INPP5D: variants seen among roughly 807,000 people sequenced by gnomAD.
INPP5D encodes phosphatidylinositol 3,4,5-trisphosphate 5-phosphatase 1.
In INPP5D, 33 loss-of-function variants were observed where a neutral mutation model predicts 122.9. That is an observed-to-expected ratio of 0.27 (90% CI 0.20 to 0.36). The LOEUF (loss-of-function observed/expected upper bound fraction) is 0.36, where lower values mean the gene tolerates loss of function less well. INPP5D is among the 10% of genes least tolerant of loss of function. The pLI, the probability that INPP5D is intolerant of heterozygous loss-of-function variation, is 1.00. For synonymous variants in INPP5D, 584 were observed against 576.2 expected (o/e 1.01, Z -0.19); for missense variants, 1,053 against 1,412.7 (o/e 0.75, Z 4.08).
chr2:233,147,572 C>T lies in INPP5D; in HGVS notation c.1008C>T (p.Asp336=), dbSNP rs1559318528. ...AGAAGTCCAAGGATGGTTCTGAGGA[C>T]AAGTTCTACAGCCACAAGAAAAGTA... is the stretch of plus-strand genomic sequence containing the variant. ...IIKKSKDGSE[D]KFYSHKKILQ... Residue 336 remains aspartate (D), a synonymous_variant, in exon 9 of 27, where the codon GAC becomes GAT. Transcript: ENST00000445964. 1.4e-6 allele frequency: 1 copy of T among 704,296 alleles called. No individual in the cohort carries two copies. Among genetic ancestry groups the T allele is most frequent in the Non-Finnish European group, 2.6e-6 (1 of 385,010 alleles). 43.6% of individuals were successfully genotyped at this position (704,296 alleles called of 1,614,324 possible). A position where few individuals can be genotyped will look rare whatever the true frequency, so the allele number is the denominator to read the frequency against.
At chr2:233,132,321 C>T (rs1693350822) in intron 5 of INPP5D, among the ~76,000 whole-genome samples, 3 of 152,244 alleles carry the variant, frequency 2.0e-5, no homozygotes, top group Admixed American at 2.0e-4. Flanking sequence ...CACTTCTGCA[C>T]ATTGTTAGAT....
chr2:233,121,097 ATTTC>A (rs139862941), intron 2 of INPP5D, among the ~76,000 whole-genome samples: 44,301 of 133,624 alleles, frequency 0.33, 7,585 homozygotes, highest in Non-Finnish European at 0.44. Flanking sequence ...ATTACAGGTG[ATTTC>A]TTTCTTTCTT....
At chr2:233,107,500 A>G (rs1309682132) in intron 2 of INPP5D, among the ~76,000 whole-genome samples, 2 of 152,172 alleles carry the variant, frequency 1.3e-5, no homozygotes, top group Non-Finnish European at 2.9e-5. Context: ...ACTCAGAGAA[A>G]GGGGTGATTT....
At chr2:233,085,203 T>C (rs1488086097) in intron 2 of INPP5D, among the ~76,000 whole-genome samples, 2 of 151,990 alleles carry the variant, frequency 1.3e-5, no homozygotes, top group Non-Finnish European at 2.9e-5. Context: ...CTGGGCAACA[T>C]GGTGAAACCC....
chr2:233,115,501 G>A (rs1251687117), intron 2 of INPP5D, among the ~76,000 whole-genome samples: 2 of 152,190 alleles, frequency 1.3e-5, no homozygotes, highest in African/African-American at 4.8e-5. Context: ...GTGCAGCCCT[G>A]AGCCTCCAGC....
At chr2:233,077,011 C>G (rs756071810) in intron 1 of INPP5D, among the ~76,000 whole-genome samples, 5 of 152,200 alleles carry the variant, frequency 3.3e-5, no homozygotes, top group Non-Finnish European at 7.3e-5. Flanking sequence ...CTGTCACCTT[C>G]TAGTGATTTA....
intron 5 of INPP5D, chr2:233,133,913 T>G: frequency 2.2e-6 from 1 of 454,572 alleles, no homozygotes. Context: ...GAGTCCCCGG[T>G]TATACACAGG....
At chr2:233,195,325 AC>A in intron 23 of INPP5D, 73 bp from the exon 24 acceptor site, 1 of 1,607,392 alleles carries the variant, frequency 6.2e-7, no homozygotes, top group Non-Finnish European at 8.5e-7. Flanking sequence ...GCAAATGGAA[AC>A]CCCTTTGCCA....
At chr2:233,108,615 C>A (rs1028332252) in intron 2 of INPP5D, among the ~76,000 whole-genome samples, 6 of 152,196 alleles carry the variant, frequency 3.9e-5, no homozygotes, top group African/African-American at 1.4e-4. Context: ...CAGGAACCCA[C>A]AAAATCAGGC....
intron 9 of INPP5D, among the ~76,000 whole-genome samples, chr2:233,153,110 T>G (rs138460576): frequency 2.0e-5 from 3 of 152,262 alleles, no homozygotes; most frequent in Non-Finnish European, 4.4e-5. Flanking sequence ...GAACTTCTAG[T>G]GTTATTTCAC....
At chr2:233,126,785 T>A (rs2106260646) in intron 4 of INPP5D, among the ~76,000 whole-genome samples, 1 of 152,200 alleles carries the variant, frequency 6.6e-6, no homozygotes, top group Admixed American at 6.5e-5. Flanking sequence ...CTGGGCATGG[T>A]GGCGGGCGCC....
At chr2:233,146,963 C>T (rs758416042) in intron 8 of INPP5D, among the ~76,000 whole-genome samples, 1 of 152,154 alleles carries the variant, frequency 6.6e-6, no homozygotes, top group Non-Finnish European at 1.5e-5. Flanking sequence ...CACACATTCC[C>T]CACCCCAAAG....
At chr2:233,196,132 CA>C (rs1695177362) in intron 24 of INPP5D, among the ~76,000 whole-genome samples, 1 of 152,034 alleles carries the variant, frequency 6.6e-6, no homozygotes, top group Admixed American at 6.6e-5. Context: ...TCAAAAAAAA[CA>C]AAACAAAACA....
chr2:233,205,309 C>T (rs987956306), intron 26 of INPP5D: 11 of 141,928 alleles, frequency 7.8e-5, no homozygotes, highest in Admixed American at 6.4e-4. Context: ...TGCGCCACTG[C>T]ACTCCAGCCT....
chr2:233,112,848 G>A (rs994648223), intron 2 of INPP5D, among the ~76,000 whole-genome samples: 1 of 152,076 alleles, frequency 6.6e-6, no homozygotes, highest in African/African-American at 2.4e-5. Context: ...AGTAGAGACA[G>A]GGTTTCACCA....
chr2:233,133,028 C>G (rs534625589), intron 5 of INPP5D, among the ~76,000 whole-genome samples: 163 of 152,018 alleles, frequency 1.1e-3, no homozygotes, highest in African/African-American at 3.7e-3. Flanking sequence ...CTTGAGTCCC[C>G]CCACTCACTT....
intron 3 of INPP5D, among the ~76,000 whole-genome samples, chr2:233,124,982 G>A (rs1165792159): frequency 1.3e-5 from 2 of 152,252 alleles, no homozygotes; most frequent in Non-Finnish European, 2.9e-5. Context: ...GGAAGTGAAG[G>A]GCCTGTTCTC....
intron 24 of INPP5D, 73 bp downstream of exon 24, chr2:233,195,568 C>A: frequency 6.2e-7 from 1 of 1,600,040 alleles, no homozygotes; most frequent in South Asian, 1.1e-5. Context: ...ATGGTTTGGC[C>A]GGGTGCGATG....
intron 9 of INPP5D, among the ~76,000 whole-genome samples, chr2:233,157,131 G>A (rs1472948419): frequency 6.6e-6 from 1 of 152,208 alleles, no homozygotes; most frequent in Non-Finnish European, 1.5e-5. Context: ...CTCTAAAAAT[G>A]TATCACCGAT....
Sources: gnomAD v4.1 joint callset for allele counts (sites outside exome capture counted in the v4.1 genomes callset) on GRCh38, gnomAD v4.1.1 for gene constraint, MANE v1.5 for transcripts, NCBI Gene and HGNC (gene_info 2026-07-23, HGNC 2026-07-21) for gene names.